LMTK2: variants seen among roughly 807,000 people sequenced by gnomAD.
LMTK2 encodes serine/threonine-protein kinase LMTK2.
LMTK2 carries 37 observed loss-of-function variants against 127.5 expected under a neutral mutation model. The observed-to-expected ratio is 0.29, with a 90% confidence interval of 0.22 to 0.38. The LOEUF is 0.38. Ranked by LOEUF, LMTK2 falls within the 10% of genes least tolerant of loss-of-function variation. LMTK2 has a pLI of 1.00. For synonymous variants in LMTK2, 819 were observed against 810.1 expected (o/e 1.01, Z -0.19); for missense variants, 1,694 against 1,920.3 (o/e 0.88, Z 2.20).
intron 1 of LMTK2, among the ~76,000 whole-genome samples, chr7:98,136,291 C>T (rs886766765): frequency 6.6e-6 from 1 of 152,194 alleles, no homozygotes; most frequent in African/African-American, 2.4e-5. Flanking sequence ...GGGGACCAAT[C>T]TTCCTTACAG....
intron 1 of LMTK2, among the ~76,000 whole-genome samples, chr7:98,124,294 C>T (rs974298322): frequency 6.6e-6 from 1 of 152,192 alleles, no homozygotes; most frequent in Non-Finnish European, 1.5e-5. Context: ...CTGAGCCTCA[C>T]CATGTACTGT....
At position 98,131,950 on chromosome 7, in the gene LMTK2, G is replaced by C. The variant is rs1361910477; in HGVS notation, c.104-5365G>C. Reference sequence around the variant, plus strand: ...TTTACATTAGCAGTTCACTTTAAAAGAAACCAGGGCTCTTTGGGGAAATGA... The same window carrying C: ...TTTACATTAGCAGTTCACTTTAAAACAAACCAGGGCTCTTTGGGGAAATGA... On this transcript the variant is annotated intron_variant, in intron 1 of 13. Transcript: ENST00000297293. 2.0e-5 allele frequency among the ~76,000 whole-genome samples: 3 copies of C among 152,166 alleles called. No homozygotes were observed. The East Asian group carries it at 5.8e-4, about 29-fold the overall frequency.
intron 1 of LMTK2, among the ~76,000 whole-genome samples, chr7:98,123,886 G>T (rs1796406002): frequency 6.6e-6 from 1 of 152,080 alleles, no homozygotes; most frequent in Non-Finnish European, 1.5e-5. Flanking sequence ...GTGTTCTACT[G>T]CTATGTGCAA....
intron 7 of LMTK2, among the ~76,000 whole-genome samples, chr7:98,177,210 A>G (rs1478303723): frequency 6.6e-6 from 1 of 152,260 alleles, no homozygotes; most frequent in Non-Finnish European, 1.5e-5. Context: ...ATAAGACAGT[A>G]TACATAAGTC....
intron 1 of LMTK2, among the ~76,000 whole-genome samples, chr7:98,123,845 T>C (rs1182347691): frequency 6.6e-6 from 1 of 152,168 alleles, no homozygotes; most frequent in African/African-American, 2.4e-5. Context: ...TGGAATGAGC[T>C]TCTACTTTAC....
intron 6 of LMTK2, among the ~76,000 whole-genome samples, chr7:98,166,768 G>A (rs1209822996): frequency 2.0e-5 from 3 of 152,318 alleles, no homozygotes; most frequent in Non-Finnish European, 1.5e-5. Context: ...GGGTGCAGTA[G>A]GCTGACCATC....
At position 98,193,772 on chromosome 7, in the gene LMTK2, T is replaced by C; in HGVS notation, c.3307T>C (p.Ser1103Pro). Residue 1103 changes from serine (S) to proline (P), a missense_variant, in exon 11 of 14, where the codon TCT becomes CCT. Transcript: ENST00000297293. The surrounding 1 kb of genome is among the most constrained non-coding windows in gnomAD (Gnocchi z 4.1). ...TAGSQGSYRD[S>P]AYFSDNDSEP... ...TGGCTCCCAGGGTTCATACCGAGAC[T>C]CTGCGTACTTCTCAGACAATGACTC... 6.2e-7 allele frequency: 1 copy of C among 1,613,826 alleles called. No individual in the cohort carries two copies. Among genetic ancestry groups the C allele is most frequent in the Non-Finnish European group, 8.5e-7 (1 of 1,179,992 alleles).
intron 6 of LMTK2, among the ~76,000 whole-genome samples, chr7:98,164,452 A>T (rs1797063201): frequency 6.6e-6 from 1 of 151,872 alleles, no homozygotes; most frequent in Non-Finnish European, 1.5e-5. Flanking sequence ...AAATCCCTTA[A>T]CCTCTTCTGT....
Position 98,171,165 on chromosome 7 carries a change from C to T in LMTK2, c.658-376C>T, listed in dbSNP as rs548677685. Among the ~76,000 whole-genome samples, 13 of 152,234 alleles carry T rather than the reference C, an allele frequency of 8.5e-5. No homozygotes were observed. The highest frequency in any genetic ancestry group is 1.4e-4 in the African/African-American group (6 of 41,530). On this transcript the variant is annotated intron_variant, in intron 6 of 13. Coordinates refer to ENST00000297293, the MANE Select transcript of LMTK2 (RefSeq NM_014916.4). The surrounding 1 kb of genome is among the most constrained non-coding windows in gnomAD (Gnocchi z 5.1). The stretch of plus-strand genomic sequence containing the variant: ...GATGAAGCGCTCACTGCCCAGGGGC[C>T]GCCTGGAGTCCATAGAACAGGCAGT...
intron 1 of LMTK2, among the ~76,000 whole-genome samples, chr7:98,117,741 C>T (rs758139426): frequency 2.0e-5 from 3 of 151,934 alleles, no homozygotes; most frequent in African/African-American, 4.8e-5. Context: ...CCGAGGTGGG[C>T]GGATCACTTG....
chr7:98,108,945 C>A (rs78256517), intron 1 of LMTK2, among the ~76,000 whole-genome samples: 2 of 150,516 alleles, frequency 1.3e-5, no homozygotes, highest in South Asian at 2.1e-4. Context: ...TGACTGCAAC[C>A]CCCCCCTTCC....
Position 98,194,272 on chromosome 7 carries a change from C to T in LMTK2, c.3807C>T (p.Leu1269=), listed in dbSNP as rs369793307. 9.3e-6 allele frequency: 15 copies of T among 1,613,996 alleles called. No homozygotes were observed. Among genetic ancestry groups the T allele is most frequent in the East Asian group, 4.5e-5 (2 of 44,892 alleles). Residue 1269 remains leucine (L), a synonymous_variant, in exon 11 of 14, where the codon CTC becomes CTT. Coordinates refer to ENST00000297293, the MANE Select transcript of LMTK2 (RefSeq NM_014916.4). This position sits in a 1 kb window ranked among gnomAD's most constrained non-coding sequence, Gnocchi z 5.4. ...TCGAAGGGAAGTACCTGGGGAAACT[C>T]GGGGTGTCAGGGATGCTCGACCTCT... ...PDIEGKYLGK[L]GVSGMLDLSE...
intron 11 of LMTK2, among the ~76,000 whole-genome samples, chr7:98,202,932 G>A (rs974141008): frequency 6.6e-6 from 1 of 152,050 alleles, no homozygotes; most frequent in Non-Finnish European, 1.5e-5. Flanking sequence ...TCCTGCAATC[G>A]CACGCGCATC....
chr7:98,115,325 A>G (rs1273490239), intron 1 of LMTK2, among the ~76,000 whole-genome samples: 2 of 152,010 alleles, frequency 1.3e-5, no homozygotes, highest in Non-Finnish European at 2.9e-5. Context: ...CTGAGGCAGG[A>G]GAGTCGCTTG....
chr7:98,140,530 T>C (rs547215142), intron 2 of LMTK2, among the ~76,000 whole-genome samples: 5 of 152,246 alleles, frequency 3.3e-5, no homozygotes, highest in Non-Finnish European at 5.9e-5. Context: ...GTCACATGGT[T>C]TTTTTAGTGA....
chr7:98,141,614 A>G, intron 3 of LMTK2, 73 bp downstream of exon 3: 1 of 1,419,224 alleles, frequency 7.0e-7, no homozygotes, highest in Admixed American at 1.8e-5. Flanking sequence ...CCTAGCCATC[A>G]TAAATATTGG....
intron 1 of LMTK2, among the ~76,000 whole-genome samples, chr7:98,133,211 G>T (rs1044769498): frequency 1.3e-5 from 2 of 152,190 alleles, no homozygotes; most frequent in African/African-American, 4.8e-5. Flanking sequence ...CTGCCTAAAT[G>T]TATGGTGATG....
chr7:98,111,457 G>A (rs1407654585), intron 1 of LMTK2, among the ~76,000 whole-genome samples: 24 of 152,178 alleles, frequency 1.6e-4, no homozygotes, highest in Admixed American at 1.6e-3. Flanking sequence ...ACCAATCCTA[G>A]CTGGAACAGA....
At position 98,187,058 on chromosome 7, in the gene LMTK2, C is replaced by G. The variant is rs538031279; in HGVS notation, c.998+60C>G. The G allele has an allele frequency of 5.6e-5, 83 of 1,490,510 alleles. No individual in the cohort carries two copies. In the African/African-American group the frequency reaches 9.8e-4, roughly 18 times the overall value. The allele number at this position is 1,490,510 out of a possible 1,614,324, so 92.3% of individuals were successfully genotyped here. On this transcript the variant is annotated intron_variant, in intron 9 of 13. Coordinates refer to ENST00000297293, the MANE Select transcript of LMTK2 (RefSeq NM_014916.4). ...TTTGGCAAAGTCCTAACTTCTTCCT[C>G]TTTGAGTACTTCCTTAAAGGAAAGT...
Sources: gnomAD v4.1 joint callset for allele counts (sites outside exome capture counted in the v4.1 genomes callset) on GRCh38, gnomAD v4.1.1 for gene constraint, Gnocchi (gnomAD v3.1) non-coding constraint, MANE v1.5 for transcripts, NCBI Gene and HGNC (gene_info 2026-07-23, HGNC 2026-07-21) for gene names.